The following SLC4A10 variants were observed in gnomAD, a reference collection of about 807,000 sequenced individuals.
SLC4A10 encodes the protein sodium-driven chloride bicarbonate exchanger.
In SLC4A10, 42 loss-of-function variants were observed where a neutral mutation model predicts 137.7. The observed-to-expected ratio is 0.30, with a 90% confidence interval of 0.24 to 0.39. The LOEUF (loss-of-function observed/expected upper bound fraction) is 0.39, where lower values mean the gene tolerates loss of function less well. Among genes scored for constraint, SLC4A10 ranks in the 10% least tolerant of loss-of-function variants. SLC4A10 has a pLI of 1.00. For missense variants in SLC4A10, 925 were observed against 1,355.0 expected (o/e 0.68, Z 4.98); for synonymous variants, 474 against 464.1 (o/e 1.02, Z -0.27).
At chr2:161,971,888 A>C (rs1698602827) in intron 23 of SLC4A10, among the ~76,000 whole-genome samples, 1 of 152,236 alleles carries the variant, frequency 6.6e-6, no homozygotes. Context: ...ACATGCTAAC[A>C]AGCCACAGAG....
At chr2:161,889,963 G>A (rs977911585) in intron 10 of SLC4A10, among the ~76,000 whole-genome samples, 1 of 152,092 alleles carries the variant, frequency 6.6e-6, no homozygotes. Flanking sequence ...CTTCAGCTGT[G>A]TCCCAGAGAT....
At chr2:161,710,610 C>A in intron 1 of SLC4A10, 1 of 427,024 alleles carries the variant, frequency 2.3e-6, no homozygotes, top group Admixed American at 2.5e-5. Flanking sequence ...TTTCTTCTTG[C>A]ATGGCAGGAT....
Position 161,731,277 on chromosome 2 carries a change from A to G in SLC4A10, c.49-39696A>G, listed in dbSNP as rs557232843. Among the ~76,000 whole-genome samples the G allele has an allele frequency of 9.2e-5, 14 of 152,066 alleles. No homozygotes were observed. In the South Asian group the frequency reaches 2.3e-3, roughly 25 times the overall value. ...ACTGGTCTTTTGAATATTTTCCTCT[A>G]TTTTTTTATAATGCTTGTTAAAATG... On this transcript the variant is annotated intron_variant, in intron 1 of 26. Coordinates refer to ENST00000446997, the MANE Select transcript of SLC4A10 (RefSeq NM_001178015.2).
chr2:161,858,382 C>A (rs1002563931), intron 5 of SLC4A10, among the ~76,000 whole-genome samples: 1 of 152,018 alleles, frequency 6.6e-6, no homozygotes, highest in Non-Finnish European at 1.5e-5. Flanking sequence ...AGCAGAAAAT[C>A]CCATTTGTAT....
chr2:161,901,580 A>G (rs1683124657), intron 12 of SLC4A10, among the ~76,000 whole-genome samples: 1 of 151,984 alleles, frequency 6.6e-6, no homozygotes, highest in African/African-American at 2.4e-5. Context: ...AAAATCAGAA[A>G]CCCTTGGGTG....
At chr2:161,776,690 A>G (rs1378926691) in intron 2 of SLC4A10, among the ~76,000 whole-genome samples, 1 of 151,890 alleles carries the variant, frequency 6.6e-6, no homozygotes, top group Non-Finnish European at 1.5e-5. Flanking sequence ...CTTGTTTGCA[A>G]TTCTTTTGAA....
At chr2:161,635,225 G>A (rs1289967721) in intron 1 of SLC4A10, among the ~76,000 whole-genome samples, 1 of 151,956 alleles carries the variant, frequency 6.6e-6, no homozygotes, top group Non-Finnish European at 1.5e-5. Context: ...GGACTTTAAG[G>A]TGGATGCCTA....
At chr2:161,927,586 C>A (rs1265010730) in intron 15 of SLC4A10, among the ~76,000 whole-genome samples, 4 of 152,128 alleles carry the variant, frequency 2.6e-5, no homozygotes, top group African/African-American at 7.2e-5. Context: ...GAACAGGCAA[C>A]CTACAAAATG....
At chr2:161,654,562 G>A (rs371288081) in intron 1 of SLC4A10, among the ~76,000 whole-genome samples, 2 of 152,058 alleles carry the variant, frequency 1.3e-5, no homozygotes, top group South Asian at 2.1e-4. Flanking sequence ...TTTTGTAAAT[G>A]GTATACGGGA....
chr2:161,881,293 T>C (rs751951803), intron 9 of SLC4A10, among the ~76,000 whole-genome samples: 2 of 152,056 alleles, frequency 1.3e-5, no homozygotes, highest in Non-Finnish European at 2.9e-5. Context: ...AGGAAGTTTC[T>C]TAAAAAGCTA....
intron 12 of SLC4A10, 101 bp downstream of exon 12, chr2:161,901,112 T>A (rs1427515433): frequency 2.4e-6 from 2 of 836,074 alleles, no homozygotes; most frequent in Admixed American, 2.1e-5. Flanking sequence ...TGTATACTTT[T>A]AATACCTGCT....
intron 4 of SLC4A10, among the ~76,000 whole-genome samples, chr2:161,846,897 A>G (rs2059531179): frequency 6.6e-6 from 1 of 152,024 alleles, no homozygotes; most frequent in Non-Finnish European, 1.5e-5. Flanking sequence ...TCGTATGTTG[A>G]TTGTGGTAGA....
intron 1 of SLC4A10, among the ~76,000 whole-genome samples, chr2:161,761,415 A>C (rs1427772279): frequency 6.6e-6 from 1 of 152,028 alleles, no homozygotes; most frequent in Non-Finnish European, 1.5e-5. Flanking sequence ...GAAGAGAGTA[A>C]ACATGGCATG....
chr2:161,779,494 T>A (rs1024693486), intron 2 of SLC4A10, among the ~76,000 whole-genome samples: 2 of 152,052 alleles, frequency 1.3e-5, no homozygotes. Flanking sequence ...CCCAGTGCAT[T>A]CCTGAGCTCT....
intron 2 of SLC4A10, among the ~76,000 whole-genome samples, chr2:161,790,838 A>G (rs2054116124): frequency 6.6e-6 from 1 of 152,178 alleles, no homozygotes; most frequent in African/African-American, 2.4e-5. Context: ...TCAAAAGAAG[A>G]CATACATGCG....
chr2:161,914,572 A>T (rs1232133221), intron 15 of SLC4A10, among the ~76,000 whole-genome samples: 1 of 152,214 alleles, frequency 6.6e-6, no homozygotes, highest in Non-Finnish European at 1.5e-5. Context: ...CTTGTTCTAA[A>T]GATGATCAAT....
intron 3 of SLC4A10, among the ~76,000 whole-genome samples, chr2:161,818,688 A>T (rs1267086784): frequency 6.6e-6 from 1 of 152,130 alleles, no homozygotes; most frequent in Non-Finnish European, 1.5e-5. Context: ...TTAGCATGAA[A>T]GGTTGTTGAA....
rs147264919 is a variant in SLC4A10 at position 161,941,913 on chromosome 2, G to A, written c.1998-879G>A. Among the ~76,000 whole-genome samples, 1,122 of 152,224 alleles carry A rather than the reference G, an allele frequency of 7.4e-3. 4 individuals carry two copies. The highest frequency in any genetic ancestry group is 0.01 in the Non-Finnish European group (706 of 68,012). On this transcript the variant is annotated intron_variant, in intron 15 of 26. Transcript: ENST00000446997. ...GAATCCTCCAATTTCCCTAGTGAGA[G>A]CAAGAACCATATCTGTCTATACTGC...
intron 15 of SLC4A10, among the ~76,000 whole-genome samples, chr2:161,942,109 G>T (rs760789051): frequency 1.3e-5 from 2 of 152,156 alleles, no homozygotes; most frequent in East Asian, 3.9e-4. Flanking sequence ...CTTAGAAATG[G>T]CAATTCGGTT....
Sources: allele counts gnomAD v4.1 joint callset (sites outside exome capture counted in the v4.1 genomes callset), GRCh38; gene constraint gnomAD v4.1.1; transcripts MANE v1.5; gene names NCBI Gene and HGNC (gene_info 2026-07-23, HGNC 2026-07-21).